The following IKZF3 variants were observed in gnomAD, a reference collection of about 807,000 sequenced individuals.
The protein encoded by IKZF3 is IKAROS family zinc finger 3.
In IKZF3, 10 loss-of-function variants were observed where a neutral mutation model predicts 49.0. The ratio of observed to expected loss-of-function variants is 0.20; its 90% confidence interval spans 0.13 to 0.35. The LOEUF (loss-of-function observed/expected upper bound fraction) is 0.35. Among genes scored for constraint, IKZF3 ranks in the 10% least tolerant of loss-of-function variants. IKZF3 has a pLI of 1.00. For missense variants in IKZF3, 498 were observed against 664.8 expected, an observed-to-expected ratio of 0.75 and a Z score of 2.76; for synonymous variants, 209 against 228.2, an observed-to-expected ratio of 0.92 and a Z score of 0.76.
rs370404642 is a variant in IKZF3, at chr17:39,862,739, A to G, written c.7+1381T>C. Reference sequence around the variant, plus strand: ...CATTCTCTTTCCATTTATAGTCTACACACTCTAAATTAAATTCTACACAAG... The same window carrying G: ...CATTCTCTTTCCATTTATAGTCTACGCACTCTAAATTAAATTCTACACAAG... On this transcript the variant is annotated intron_variant, in intron 1 of 7. Transcript: ENST00000346872. Among the ~76,000 whole-genome samples the G allele has an allele frequency of 1.9e-3, 292 of 152,292 alleles. 1 individual carries two copies. The highest frequency in any genetic ancestry group is 6.8e-3 in the African/African-American group (284 of 41,590).
intron 1 of IKZF3, chr17:39,839,319 T>C: frequency 2.0e-6 from 1 of 493,794 alleles, no homozygotes; most frequent in Non-Finnish European, 3.7e-6. Context: ...GGTAACATGA[T>C]TGTGACCTTG....
At chr17:39,836,833 T>A (rs1342445542) in intron 1 of IKZF3, among the ~76,000 whole-genome samples, 1 of 152,242 alleles carries the variant, frequency 6.6e-6, no homozygotes, top group Admixed American at 6.5e-5. Context: ...AACCTTACCA[T>A]ACAATGCTAA....
At chr17:39,782,725 T>C (rs1222518770) in intron 6 of IKZF3, among the ~76,000 whole-genome samples, 1 of 152,112 alleles carries the variant, frequency 6.6e-6, no homozygotes, top group Non-Finnish European at 1.5e-5. Context: ...TTTGGCGGTG[T>C]AATGCTGCAA....
At chr17:39,797,907 G>A (rs994001433) in intron 3 of IKZF3, among the ~76,000 whole-genome samples, 2 of 151,764 alleles carry the variant, frequency 1.3e-5, no homozygotes, top group Non-Finnish European at 2.9e-5. Flanking sequence ...CATCTTATAT[G>A]ATTAATTTCC....
chr17:39,823,413 T>C (rs2061864161), intron 3 of IKZF3, among the ~76,000 whole-genome samples: 1 of 152,062 alleles, frequency 6.6e-6, no homozygotes, highest in Non-Finnish European at 1.5e-5. Flanking sequence ...AGCCTGACAA[T>C]GTGATAGAAA....
chr17:39,838,474 A>G (rs2062367863), intron 1 of IKZF3, among the ~76,000 whole-genome samples: 1 of 151,878 alleles, frequency 6.6e-6, no homozygotes, highest in African/African-American at 2.4e-5. Context: ...GTTCATTTTA[A>G]TTTCTCTGCT....
chr17:39,806,987 T>C (rs974205038), intron 3 of IKZF3, among the ~76,000 whole-genome samples: 2 of 152,192 alleles, frequency 1.3e-5, no homozygotes, highest in African/African-American at 4.8e-5. Context: ...AGGAACTGAA[T>C]CCTGACAACA....
rs1337208719 is a variant in IKZF3, at chr17:39,763,880, G to A, written c.*1910C>T. On this transcript the variant is annotated 3_prime_UTR_variant, in exon 8 of 8. Coordinates refer to ENST00000346872, the MANE Select transcript of IKZF3 (RefSeq NM_012481.5). ...TTTGTTTTGTTTTGTTTGAGACAGG[G>A]TCTCACTCTGTCGCCCAGACTGGAG... 1 of 152,088 alleles carries A rather than the reference G, an allele frequency of 6.6e-6. No homozygotes were observed. The highest frequency in any genetic ancestry group is 2.4e-5 in the African/African-American group (1 of 41,404). 9.4% of individuals were successfully genotyped at this position (152,088 alleles called of 1,614,324 possible).
At chr17:39,846,860 A>C (rs1487780654) in intron 1 of IKZF3, among the ~76,000 whole-genome samples, 5 of 151,988 alleles carry the variant, frequency 3.3e-5, no homozygotes, top group Admixed American at 3.3e-4. Flanking sequence ...TAGGAAGTAT[A>C]AGCACTAAAG....
intron 1 of IKZF3, chr17:39,839,403 CT>C: frequency 1.7e-6 from 1 of 599,306 alleles, no homozygotes. Context: ...CCAATGTCTC[CT>C]TTTGGAGTTG....
chr17:39,863,192 G>A (rs1057375539), intron 1 of IKZF3, among the ~76,000 whole-genome samples: 6 of 151,782 alleles, frequency 4.0e-5, no homozygotes, highest in African/African-American at 1.5e-4. Context: ...AAGTTTTCAA[G>A]CCCTAATTAA....
At chr17:39,793,570 A>G (rs2143900954) in intron 3 of IKZF3, among the ~76,000 whole-genome samples, 1 of 152,356 alleles carries the variant, frequency 6.6e-6, no homozygotes, top group South Asian at 2.1e-4. Flanking sequence ...GTTGAGAAAG[A>G]CAAAAGGAAA....
chr17:39,777,392 C>G (rs1338450194), intron 7 of IKZF3, among the ~76,000 whole-genome samples: 1 of 152,166 alleles, frequency 6.6e-6, no homozygotes, highest in Non-Finnish European at 1.5e-5. Context: ...GAGGAAGGAA[C>G]AGGATTTTAA....
chr17:39,761,581 A>ATATAC lies in IKZF3; in HGVS notation c.*4208_*4209insGTATA, dbSNP rs1567944278. 2.7e-5 allele frequency: 4 copies of ATATAC among 146,940 alleles called. No homozygotes were observed. The highest frequency in any genetic ancestry group is 1.1e-4 in the African/African-American group (4 of 37,710). The allele number at this position is 146,940 out of a possible 1,614,324, so 9.1% of individuals were successfully genotyped here. ...ATACATACATATATATACATATACA[A>ATATAC]AAAAAATAAAAATAAATTAAAAAAT... On this transcript the variant is annotated 3_prime_UTR_variant, in exon 8 of 8. Transcript: ENST00000346872.
chr17:39,802,422 CA>C (rs1228535984), intron 3 of IKZF3, among the ~76,000 whole-genome samples: 2 of 151,082 alleles, frequency 1.3e-5, no homozygotes, highest in Non-Finnish European at 2.9e-5. Context: ...GCCTAGGCAA[CA>C]AAGTAAGACC....
chr17:39,791,625 G>A (rs763783747), intron 4 of IKZF3, 42 bp from the exon 5 acceptor site: 2 of 1,598,008 alleles, frequency 1.3e-6, no homozygotes, highest in South Asian at 2.2e-5. Context: ...TCACAGGCAA[G>A]TGGAGAAACA....
At chr17:39,829,350 A>T in intron 3 of IKZF3, 37 bp downstream of exon 3, 2 of 1,391,414 alleles carry the variant, frequency 1.4e-6, no homozygotes, top group Non-Finnish European at 2.0e-6. Flanking sequence ...AGCAATATCT[A>T]CAGGCATCAG....
At chr17:39,849,440 C>T (rs1040703758) in intron 1 of IKZF3, among the ~76,000 whole-genome samples, 2 of 151,970 alleles carry the variant, frequency 1.3e-5, no homozygotes, top group South Asian at 4.2e-4. Flanking sequence ...AGGCGGATCA[C>T]CTGAGGTCAG....
At chr17:39,863,777 A>G (rs2144621555) in intron 1 of IKZF3, among the ~76,000 whole-genome samples, 1 of 142,078 alleles carries the variant, frequency 7.0e-6, no homozygotes, top group African/African-American at 2.7e-5. Flanking sequence ...CCATGAAGGA[A>G]AAAATATCCA....
Sources: allele counts gnomAD v4.1 joint callset (sites outside exome capture counted in the v4.1 genomes callset), GRCh38; gene constraint gnomAD v4.1.1; transcripts MANE v1.5; gene names NCBI Gene and HGNC (gene_info 2026-07-23, HGNC 2026-07-21).